CSN2: variants seen among roughly 807,000 people sequenced by gnomAD.
The protein encoded by CSN2 is casein beta.
Under a neutral mutation model 27.3 loss-of-function variants are expected in CSN2, and 27 were observed. The ratio of observed to expected loss-of-function variants is 0.99; its 90% CI spans 0.73 to 1.36. The LOEUF (loss-of-function observed/expected upper bound fraction) is 1.36. Among genes scored for constraint, CSN2 ranks in the 40% most tolerant of loss-of-function variants. The probability of loss-of-function intolerance (pLI) is 0.00; values close to 1 mark genes in which losing one functional copy is unlikely to be tolerated. For missense variants in CSN2, 333 were observed against 264.5 expected, an observed-to-expected ratio of 1.26 and a Z score of -1.80; for synonymous variants, 131 against 94.8, an observed-to-expected ratio of 1.38 and a Z score of -2.22.
At position 69,957,273 on chromosome 4, in the gene CSN2, C is replaced by T. The variant is rs747502349; in HGVS notation, c.675+1G>A. 1.3e-6 allele frequency: 2 copies of T among 1,527,790 alleles called. No individual in the cohort carries two copies. Among genetic ancestry groups the T allele is most frequent in the Non-Finnish European group, 1.8e-6 (2 of 1,137,604 alleles). 94.6% of individuals were successfully genotyped at this position (1,527,790 alleles called of 1,614,324 possible). ...AGCAAAGCCAGTAAATTTGGACTTACACTAATGGGGTTATGAACTGGGGCA... is the reference window on the plus strand; with the variant it reads ...AGCAAAGCCAGTAAATTTGGACTTATACTAATGGGGTTATGAACTGGGGCA... On this transcript the variant is annotated splice_donor_variant, in intron 6 of 7. Transcript: ENST00000353151. LOFTEE classifies it high-confidence loss of function.
At chr4:69,957,851 T>C (rs1347482790) in intron 5 of CSN2, 47 bp from the exon 6 acceptor site, 4 of 1,468,752 alleles carry the variant, frequency 2.7e-6, no homozygotes. Context: ...TAAGCTATAA[T>C]TGCCATTCAT....
At chr4:69,960,873 T>A in intron 2 of CSN2, 72 bp downstream of exon 2, 1 of 1,165,196 alleles carries the variant, frequency 8.6e-7, no homozygotes, top group East Asian at 2.4e-5. Flanking sequence ...ATGTTGGTGA[T>A]GTTATTCTCT....
At position 69,955,519 on chromosome 4, in the gene CSN2, A is replaced by G. The variant is rs1464693904; in HGVS notation, c.*110T>C. On this transcript the variant is annotated 3_prime_UTR_variant, in exon 8 of 8. Transcript: ENST00000353151. ...AAGTTCATTTTTTCCATATAAACTC[A>G]TTCAAACATACTTAATTTGGGGTAA... 6.6e-6 allele frequency: 1 copy of G among 152,542 alleles called. No individual in the cohort carries two copies. The highest frequency in any genetic ancestry group is 1.9e-4 in the East Asian group (1 of 5,194). 9.4% of individuals were successfully genotyped at this position (152,542 alleles called of 1,614,324 possible). A position where few individuals can be genotyped will look rare whatever the true frequency, so the allele number is the denominator to read the frequency against.
chr4:69,961,088 A>T, intron 1 of CSN2, 81 bp from the exon 2 acceptor site: 4 of 849,832 alleles, frequency 4.7e-6, no homozygotes, highest in Non-Finnish European at 7.5e-6. Context: ...TACTTTTTAT[A>T]AAACAAAAAA....
intron 1 of CSN2, among the ~76,000 whole-genome samples, chr4:69,961,596 G>A (rs1723587024): frequency 6.6e-6 from 1 of 152,068 alleles, no homozygotes; most frequent in Non-Finnish European, 1.5e-5. Flanking sequence ...AATAATAAGA[G>A]CTATCTATGA....
chr4:69,956,503 A>AAAAT lies in CSN2; in HGVS notation c.676-152_676-149dup, dbSNP rs567888173. ...ACCAGATGTGAAGTAAGGCTTGTGT[A>AAAAT]AAATAAATAAATAAATAAATAAATA... On this transcript the variant is annotated intron_variant, in intron 6 of 7. Coordinates refer to ENST00000353151, the MANE Select transcript of CSN2 (RefSeq NM_001891.4). 630 of 518,018 alleles carry AAAAT rather than the reference A, an allele frequency of 1.2e-3. 1 individual carries two copies. Among genetic ancestry groups the AAAAT allele is most frequent in the East Asian group, 8.8e-3 (199 of 22,560 alleles). 32.1% of individuals were successfully genotyped at this position (518,018 alleles called of 1,614,324 possible).
chr4:69,959,361 A>G (rs187436641), intron 3 of CSN2, among the ~76,000 whole-genome samples: 1 of 152,056 alleles, frequency 6.6e-6, no homozygotes, highest in Non-Finnish European at 1.5e-5. Context: ...TCTGATTTTT[A>G]AAAAAAGAAA....
At chr4:69,959,139 A>T (rs968682585) in intron 3 of CSN2, 70 bp from the exon 4 acceptor site, 1 of 1,083,072 alleles carries the variant, frequency 9.2e-7, no homozygotes, top group African/African-American at 1.6e-5. Flanking sequence ...AAATCAGGAA[A>T]TAAAGGCATT....
rs1723525693 is a variant in CSN2, at chr4:69,960,108, T to C, written c.52-29A>G. 3 of 1,601,502 alleles carry C rather than the reference T, an allele frequency of 1.9e-6. No individual in the cohort carries two copies. The East Asian group carries it at 6.7e-5, about 36-fold the overall frequency. Reference sequence around the variant, plus strand: ...TGGGAAAAAAAAATTGACAACCAGCTAAATCTTCTAGATCATTAGAGAATT... The same window carrying C: ...TGGGAAAAAAAAATTGACAACCAGCCAAATCTTCTAGATCATTAGAGAATT... On this transcript the variant is annotated intron_variant, in intron 2 of 7. Coordinates refer to ENST00000353151, the MANE Select transcript of CSN2 (RefSeq NM_001891.4).
chr4:69,955,312 T>C lies in CSN2; in HGVS notation c.*317A>G, dbSNP rs757720236. 6.6e-6 allele frequency: 1 copy of C among 152,402 alleles called. No homozygotes were observed. The highest frequency in any genetic ancestry group is 1.5e-5 in the Non-Finnish European group (1 of 67,898). The allele number at this position is 152,402 out of a possible 1,614,324, so 9.4% of individuals were successfully genotyped here. The stretch of plus-strand genomic sequence containing the variant: ...GAAAGGAAATAGATTCTTAAAGAAA[T>C]AAAAATAAGCACAATTCCAGAAACA... On this transcript the variant is annotated 3_prime_UTR_variant, in exon 8 of 8. Coordinates refer to ENST00000353151, the MANE Select transcript of CSN2 (RefSeq NM_001891.4).
intron 1 of CSN2, among the ~76,000 whole-genome samples, chr4:69,965,406 TACTATA>T (rs1436657874): frequency 3.4e-4 from 25 of 72,854 alleles, no homozygotes; most frequent in African/African-American, 1.4e-3. Context: ...ACTAGCCTCA[TACTATA>T]TATATATATA....
At chr4:69,960,793 T>C (rs1485145744) in intron 2 of CSN2, 152 bp downstream of exon 2, 1 of 624,162 alleles carries the variant, frequency 1.6e-6, no homozygotes. Context: ...AGACAGTGGG[T>C]AAATATAAAT....
At chr4:69,958,224 G>A (rs1220490456) in intron 5 of CSN2, among the ~76,000 whole-genome samples, 1 of 152,068 alleles carries the variant, frequency 6.6e-6, no homozygotes, top group Admixed American at 6.6e-5. Context: ...ACAATTCCAA[G>A]GTTTATTTTT....
At chr4:69,965,384 TA>T in intron 1 of CSN2, among the ~76,000 whole-genome samples, 1 of 140,510 alleles carries the variant, frequency 7.1e-6, no homozygotes, top group East Asian at 2.1e-4. Flanking sequence ...CTCCTTTTAA[TA>T]TTAACTATGA....
chr4:69,957,817 A>T lies in CSN2; in HGVS notation c.145-13T>A, dbSNP rs920240487. On this transcript the variant is annotated splice_polypyrimidine_tract_variant and intron_variant, in intron 5 of 7. Transcript: ENST00000353151. ...CCTGGTGTTCATCCTGGAAAGAAGG[A>T]AAAAGAATCTTTGAGTCCTTGATTA... 1.9e-6 allele frequency: 3 copies of T among 1,603,758 alleles called. No homozygotes were observed. Among genetic ancestry groups the T allele is most frequent in the Non-Finnish European group, 1.7e-6 (2 of 1,174,330 alleles).
At chr4:69,962,275 A>G (rs184196984) in intron 1 of CSN2, among the ~76,000 whole-genome samples, 6 of 152,332 alleles carry the variant, frequency 3.9e-5, no homozygotes, top group Non-Finnish European at 2.9e-5. Flanking sequence ...CACATTGCCA[A>G]GTAAATCCTA....
intron 6 of CSN2, among the ~76,000 whole-genome samples, chr4:69,957,021 T>G (rs1269966874): frequency 1.3e-5 from 2 of 151,168 alleles, no homozygotes; most frequent in Non-Finnish European, 2.9e-5. Context: ...GGGTAGGGGG[T>G]AGGGATAGCA....
intron 7 of CSN2, 77 bp from the exon 8 acceptor site, chr4:69,955,669 G>A (rs889720980): frequency 6.6e-6 from 1 of 152,290 alleles, no homozygotes; most frequent in African/African-American, 2.4e-5. Flanking sequence ...TTTTAACTTT[G>A]GTGTGACTAA....
At chr4:69,955,983 A>T (rs1469063004) in intron 7 of CSN2, among the ~76,000 whole-genome samples, 1 of 152,124 alleles carries the variant, frequency 6.6e-6, no homozygotes, top group Non-Finnish European at 1.5e-5. Context: ...GGCTTTTGAC[A>T]AAAGCTCAAA....
Sources: allele counts gnomAD v4.1 joint callset (sites outside exome capture counted in the v4.1 genomes callset), GRCh38; gene constraint gnomAD v4.1.1; transcripts MANE v1.5; gene names NCBI Gene and HGNC (gene_info 2026-07-23, HGNC 2026-07-21).